The following ROBO1 variants were observed in gnomAD, a reference collection of about 807,000 sequenced individuals.
The protein encoded by ROBO1 is roundabout guidance receptor 1, also known as roundabout homolog 1.
Under a neutral mutation model 195.9 loss-of-function variants are expected in ROBO1, and 149 were observed. The observed-to-expected ratio is 0.76, with a 90% CI of 0.67 to 0.87. ROBO1 has a LOEUF of 0.87. Ranked by LOEUF, ROBO1 falls within the 40% of genes least tolerant of loss-of-function variation. ROBO1 has a pLI of 0.00. For missense variants in ROBO1, 1,933 were observed against 2,068.3 expected, an observed-to-expected ratio of 0.93 and a Z score of 1.27; for synonymous variants, 816 against 733.2, an observed-to-expected ratio of 1.11 and a Z score of -1.82.
At chr3:79,308,163 T>A (rs972292387) in intron 2 of ROBO1, among the ~76,000 whole-genome samples, 1 of 152,182 alleles carries the variant, frequency 6.6e-6, no homozygotes, top group Non-Finnish European at 1.5e-5. Flanking sequence ...GGAGTTGTTT[T>A]TTCCTACTAA....
At chr3:79,541,858 G>C (rs1942083874) in intron 2 of ROBO1, among the ~76,000 whole-genome samples, 1 of 150,556 alleles carries the variant, frequency 6.6e-6, no homozygotes, top group Non-Finnish European at 1.5e-5. Flanking sequence ...GAGAGAGAGA[G>C]AAAGAGAGAG....
chr3:78,639,567 T>C (rs73850743), intron 22 of ROBO1, among the ~76,000 whole-genome samples, 177 bp downstream of exon 22: 24 of 152,388 alleles, frequency 1.6e-4, no homozygotes, highest in Admixed American at 9.1e-4. Flanking sequence ...TAGCAAAGTA[T>C]GGAGGTTAAG....
chr3:79,766,624 G>C (rs1705011492), intron 1 of ROBO1, among the ~76,000 whole-genome samples: 1 of 152,014 alleles, frequency 6.6e-6, no homozygotes, highest in Admixed American at 6.5e-5. Flanking sequence ...TTGCCACGCC[G>C]AGTTTTCCGC....
chr3:78,849,396 C>T (rs1017815688), intron 4 of ROBO1, among the ~76,000 whole-genome samples: 3 of 151,954 alleles, frequency 2.0e-5, no homozygotes, highest in African/African-American at 7.3e-5. Flanking sequence ...GTTATAACTA[C>T]ATATGAAAAA....
At chr3:79,217,982 C>A (rs1457991994) in intron 2 of ROBO1, among the ~76,000 whole-genome samples, 2 of 151,214 alleles carry the variant, frequency 1.3e-5, no homozygotes, top group Non-Finnish European at 3.0e-5. Context: ...TTTTATTACA[C>A]AGGAGATAGA....
Position 79,734,136 on chromosome 3 carries a change from C to T in ROBO1, c.-51+33616G>A, listed in dbSNP as rs187434970. Among the ~76,000 whole-genome samples the T allele has an allele frequency of 5.7e-3, 864 of 152,068 alleles. 7 individuals are homozygous for T. The highest frequency in any genetic ancestry group is 0.018 in the African/African-American group (746 of 41,502). The stretch of plus-strand genomic sequence containing the variant: ...CTAATTTTTGTATTTTTAATAGTGA[C>T]GGGGTTTCACCATGTTGGTCAGGCT... On this transcript the variant is annotated intron_variant, in intron 1 of 30. Coordinates refer to ENST00000464233, the MANE Select transcript of ROBO1 (RefSeq NM_002941.4).
intron 1 of ROBO1, among the ~76,000 whole-genome samples, chr3:79,599,783 T>G (rs974142343): frequency 9.2e-5 from 14 of 152,048 alleles, no homozygotes; most frequent in Non-Finnish European, 2.1e-4. Flanking sequence ...AGAATTAGTT[T>G]TCTGACTTGC....
intron 2 of ROBO1, among the ~76,000 whole-genome samples, chr3:79,279,550 TTCCTCAAAAACCTACAAA>T (rs1295300934): frequency 1.1e-4 from 17 of 152,200 alleles, no homozygotes; most frequent in African/African-American, 3.6e-4. Context: ...ACTATAAAGG[TTCCTCAAAAACCTACAAA>T]TACAAGTACC....
intron 8 of ROBO1, among the ~76,000 whole-genome samples, chr3:78,700,196 G>C (rs755377946): frequency 5.3e-5 from 8 of 152,126 alleles, no homozygotes; most frequent in Admixed American, 2.6e-4. Flanking sequence ...AAAGCACTTA[G>C]TCCTATTTTA....
chr3:79,162,324 A>G (rs1314322343), intron 2 of ROBO1, among the ~76,000 whole-genome samples: 1 of 152,122 alleles, frequency 6.6e-6, no homozygotes, highest in Non-Finnish European at 1.5e-5. Flanking sequence ...ATAGGAGGAA[A>G]GAAGGGATAG....
At chr3:79,003,191 G>A (rs555401579) in intron 3 of ROBO1, among the ~76,000 whole-genome samples, 17 of 152,158 alleles carry the variant, frequency 1.1e-4, no homozygotes, top group African/African-American at 3.9e-4. Flanking sequence ...CCATCACATT[G>A]ACATGGCAAT....
At chr3:79,523,162 C>T (rs1173022738) in intron 2 of ROBO1, among the ~76,000 whole-genome samples, 1 of 36,918 alleles carries the variant, frequency 2.7e-5, no homozygotes, top group Non-Finnish European at 4.3e-5. Flanking sequence ...CTTCATAAAC[C>T]ACACACACAC....
intron 2 of ROBO1, among the ~76,000 whole-genome samples, chr3:79,350,358 T>C (rs1389303976): frequency 6.6e-6 from 1 of 152,222 alleles, no homozygotes; most frequent in Non-Finnish European, 1.5e-5. Flanking sequence ...GATTGTAATA[T>C]GTTACGGTGA....
intron 2 of ROBO1, among the ~76,000 whole-genome samples, chr3:79,490,798 C>CTCT (rs1553752197): frequency 6.6e-6 from 1 of 152,144 alleles, no homozygotes; most frequent in Non-Finnish European, 1.5e-5. Flanking sequence ...CTAGCTGAGA[C>CTCT]TCTTTTATTC....
intron 2 of ROBO1, among the ~76,000 whole-genome samples, chr3:79,401,682 A>G (rs1056095598): frequency 6.6e-6 from 1 of 151,924 alleles, no homozygotes; most frequent in Admixed American, 6.6e-5. Context: ...ATCAGAGATC[A>G]GTGTACTAAC....
chr3:78,648,006 T>C (rs1055683406), intron 19 of ROBO1, among the ~76,000 whole-genome samples: 1 of 152,068 alleles, frequency 6.6e-6, no homozygotes, highest in Non-Finnish European at 1.5e-5. Flanking sequence ...GATGATGGAT[T>C]CTTAAATAAG....
intron 2 of ROBO1, among the ~76,000 whole-genome samples, chr3:79,226,575 C>T (rs573219283): frequency 1.3e-5 from 2 of 149,700 alleles, no homozygotes; most frequent in African/African-American, 4.9e-5. Context: ...GAGTTTCCCT[C>T]TGTCACCCAG....
chr3:78,659,822 T>C lies in ROBO1; in HGVS notation c.2321-15A>G, dbSNP rs1707271752. On this transcript the variant is annotated splice_polypyrimidine_tract_variant and intron_variant, in intron 16 of 30. Transcript: ENST00000464233. ...GGCACTGGGTGCTATTAAATTGTTT[T>C]AAAAGGTAGGTTATTAGAATGTGCT... is the stretch of plus-strand genomic sequence containing the variant. The C allele has an allele frequency of 4.4e-6, 7 of 1,594,484 alleles. No homozygotes were observed. Among genetic ancestry groups the C allele is most frequent in the African/African-American group, 1.3e-5 (1 of 74,286 alleles).
intron 3 of ROBO1, among the ~76,000 whole-genome samples, chr3:79,123,596 A>T (rs1447604575): frequency 2.0e-5 from 3 of 151,980 alleles, no homozygotes; most frequent in Non-Finnish European, 4.4e-5. Flanking sequence ...GTAATCAAGA[A>T]TTTTCCAAAA....
Sources: gnomAD v4.1 joint callset for allele counts (sites outside exome capture counted in the v4.1 genomes callset) on GRCh38, gnomAD v4.1.1 for gene constraint, MANE v1.5 for transcripts, NCBI Gene and HGNC (gene_info 2026-07-23, HGNC 2026-07-21) for gene names.